The following SIPA1L3 variants were observed in gnomAD, a reference collection of about 807,000 sequenced individuals.
The protein encoded by SIPA1L3 is signal induced proliferation associated 1 like 3.
SIPA1L3 carries 59 observed loss-of-function variants against 150.1 expected under a neutral mutation model. The ratio of observed to expected loss-of-function variants is 0.39; its 90% CI spans 0.32 to 0.49. SIPA1L3 has a LOEUF of 0.49. SIPA1L3 is among the 20% of genes least tolerant of loss of function. SIPA1L3 has a pLI of 0.86. For missense variants in SIPA1L3, 2,211 were observed against 2,489.5 expected, an observed-to-expected ratio of 0.89 and a Z score of 2.38; for synonymous variants, 1,070 against 1,077.6, an observed-to-expected ratio of 0.99 and a Z score of 0.14.
At chr19:38,067,347 G>A (rs1413031736) in intron 2 of SIPA1L3, among the ~76,000 whole-genome samples, 1 of 152,198 alleles carries the variant, frequency 6.6e-6, no homozygotes, top group Non-Finnish European at 1.5e-5. Flanking sequence ...ACCTGTGTGG[G>A]AGCCTTGCCA....
At position 37,955,266 on chromosome 19, in the gene SIPA1L3, C is replaced by T. The variant is rs201160905; in HGVS notation, c.-379+47908C>T. On this transcript the variant is annotated intron_variant, in intron 1 of 21. Transcript: ENST00000222345. Reference sequence around the variant, plus strand: ...ATTAGCCAGGTGTGTTGGCACATGCCTGTAATCCCCGCTACTCAGGAGGCT... The same window carrying T: ...ATTAGCCAGGTGTGTTGGCACATGCTTGTAATCCCCGCTACTCAGGAGGCT... Among the ~76,000 whole-genome samples, 3 of 152,000 alleles carry T rather than the reference C, an allele frequency of 2.0e-5. No individual in the cohort carries two copies. The East Asian group carries it at 5.8e-4, about 29-fold the overall frequency.
intron 1 of SIPA1L3, among the ~76,000 whole-genome samples, chr19:37,929,670 C>A (rs980377926): frequency 6.6e-6 from 1 of 152,130 alleles, no homozygotes; most frequent in South Asian, 2.1e-4. Flanking sequence ...CTCCCTCCCC[C>A]CTCCTCCTAC....
intron 4 of SIPA1L3, among the ~76,000 whole-genome samples, chr19:38,098,504 C>T (rs1398718430): frequency 1.6e-4 from 24 of 151,124 alleles, no homozygotes; most frequent in Admixed American, 1.5e-3. Context: ...AAGCAATTCT[C>T]CTGCCACAGC....
At chr19:38,156,758 G>A (rs1187810127) in intron 13 of SIPA1L3, among the ~76,000 whole-genome samples, 1 of 152,208 alleles carries the variant, frequency 6.6e-6, no homozygotes, top group Non-Finnish European at 1.5e-5. Context: ...CCGGGAGACA[G>A]AGGTTGCAGT....
chr19:37,953,147 C>T (rs1965679820), intron 1 of SIPA1L3, among the ~76,000 whole-genome samples: 1 of 152,176 alleles, frequency 6.6e-6, no homozygotes, highest in South Asian at 2.1e-4. Context: ...TGGCGTGAAC[C>T]CGCATTCTCA....
At chr19:38,057,813 AT>A (rs952530174) in intron 2 of SIPA1L3, among the ~76,000 whole-genome samples, 3 of 148,052 alleles carry the variant, frequency 2.0e-5, no homozygotes, top group African/African-American at 7.4e-5. Flanking sequence ...CACCTGGCTA[AT>A]TTTTTTTTAT....
intron 10 of SIPA1L3, among the ~76,000 whole-genome samples, chr19:38,138,916 CTG>C (rs1362827087): frequency 4.7e-5 from 2 of 42,290 alleles, no homozygotes; most frequent in Non-Finnish European, 8.1e-5. Flanking sequence ...AAAAAAAAAA[CTG>C]AGTGTGGTGG....
At chr19:38,017,311 C>A (rs1456559343) in intron 1 of SIPA1L3, among the ~76,000 whole-genome samples, 2 of 152,168 alleles carry the variant, frequency 1.3e-5, no homozygotes, top group Non-Finnish European at 2.9e-5. Context: ...TTGTGTCTTA[C>A]TCAATTTGAA....
At chr19:38,123,827 C>G (rs1049381515) in intron 9 of SIPA1L3, among the ~76,000 whole-genome samples, 1 of 122,028 alleles carries the variant, frequency 8.2e-6, no homozygotes, top group Non-Finnish European at 1.7e-5. Flanking sequence ...CTCCTCACTT[C>G]CCAGTAGGGG....
intron 15 of SIPA1L3, among the ~76,000 whole-genome samples, chr19:38,166,165 G>C (rs1350666489): frequency 6.6e-6 from 1 of 152,060 alleles, no homozygotes; most frequent in Non-Finnish European, 1.5e-5. Flanking sequence ...GAGAGAAAGA[G>C]TAGGCATTGG....
chr19:37,916,889 G>T (rs2046418943), intron 1 of SIPA1L3, among the ~76,000 whole-genome samples: 2 of 151,854 alleles, frequency 1.3e-5, no homozygotes. Flanking sequence ...AACCCTGGAG[G>T]TGACAGTTGC....
At chr19:38,071,631 A>G (rs941627839) in intron 2 of SIPA1L3, among the ~76,000 whole-genome samples, 4 of 152,192 alleles carry the variant, frequency 2.6e-5, no homozygotes, top group South Asian at 2.1e-4. Context: ...ACAGGGTCTC[A>G]CTGTGCAACC....
rs565950529 is a variant in SIPA1L3 at position 38,195,802 on chromosome 19, G to A, written c.4840+2022G>A. 1.6e-3 allele frequency among the ~76,000 whole-genome samples: 32 copies of A among 20,254 alleles called. 2 individuals are homozygous for A. The South Asian group carries it at 0.025, about 16-fold the overall frequency. 13.3% of individuals were successfully genotyped at this position (20,254 alleles called of 152,430 possible). On this transcript the variant is annotated intron_variant, in intron 18 of 21. Transcript: ENST00000222345. Reference sequence around the variant, plus strand: ...ACCACCACAGGCCCCGTCCCCCCCCGCCCCCCCGGGTTTCTCTCACCCCCC... The same window carrying A: ...ACCACCACAGGCCCCGTCCCCCCCCACCCCCCCGGGTTTCTCTCACCCCCC...
chr19:38,095,984 A>G (rs1179602420), intron 4 of SIPA1L3, among the ~76,000 whole-genome samples: 1 of 152,196 alleles, frequency 6.6e-6, no homozygotes, highest in Non-Finnish European at 1.5e-5. Context: ...CCAGATTGAC[A>G]GGGCAAAGCC....
chr19:38,001,832 A>T (rs545701382), intron 1 of SIPA1L3, among the ~76,000 whole-genome samples: 54 of 151,970 alleles, frequency 3.6e-4, no homozygotes, highest in African/African-American at 1.1e-3. Context: ...TACATAACAA[A>T]TTTTTTTTAT....
At chr19:37,971,580 TG>T (rs202138808) in intron 1 of SIPA1L3, among the ~76,000 whole-genome samples, 1 of 146,122 alleles carries the variant, frequency 6.8e-6, no homozygotes, top group Non-Finnish European at 1.5e-5. Context: ...GTTTTTTTTT[TG>T]CAGAGACAGA....
chr19:38,030,009 C>A (rs889636032), intron 2 of SIPA1L3, among the ~76,000 whole-genome samples: 4 of 152,132 alleles, frequency 2.6e-5, no homozygotes, highest in African/African-American at 9.7e-5. Flanking sequence ...CCCCTGACAT[C>A]ATGCCCGGCT....
intron 1 of SIPA1L3, among the ~76,000 whole-genome samples, chr19:38,000,538 A>G (rs1967758550): frequency 6.6e-6 from 1 of 151,124 alleles, no homozygotes; most frequent in South Asian, 2.1e-4. Flanking sequence ...TGGAAGCAGA[A>G]ATTAGAGGAG....
chr19:37,949,211 T>C (rs1366525205), intron 1 of SIPA1L3, among the ~76,000 whole-genome samples: 1 of 152,212 alleles, frequency 6.6e-6, no homozygotes, highest in Admixed American at 6.5e-5. Flanking sequence ...CTTTCTTCTC[T>C]CTTTGGGTTT....
Sources: allele counts gnomAD v4.1 joint callset (sites outside exome capture counted in the v4.1 genomes callset), GRCh38; gene constraint gnomAD v4.1.1; transcripts MANE v1.5; gene names NCBI Gene and HGNC (gene_info 2026-07-23, HGNC 2026-07-21).